The following PCSK5 variants were observed in gnomAD, a reference collection of about 807,000 sequenced individuals.
PCSK5 encodes proprotein convertase subtilisin/kexin type 5.
PCSK5 carries 129 observed loss-of-function variants against 233.2 expected under a neutral mutation model. The observed-to-expected ratio is 0.55, with a 90% CI of 0.48 to 0.64. The LOEUF (loss-of-function observed/expected upper bound fraction) is 0.64, where lower values mean the gene tolerates loss of function less well. PCSK5 is among the 30% of genes least tolerant of loss of function. The pLI, the probability that PCSK5 is intolerant of heterozygous loss-of-function variation, is 0.00. For synonymous variants in PCSK5, 825 were observed against 879.2 expected (o/e 0.94, Z 1.09); for missense variants, 2,076 against 2,430.1 (o/e 0.85, Z 3.06).
At chr9:75,983,324 T>C (rs1563954598) in intron 2 of PCSK5, among the ~76,000 whole-genome samples, 1 of 152,180 alleles carries the variant, frequency 6.6e-6, no homozygotes, top group East Asian at 1.9e-4. Flanking sequence ...GCCCCATGTG[T>C]AGTGTCAGAA....
intron 6 of PCSK5, among the ~76,000 whole-genome samples, chr9:76,069,231 G>T (rs1282543783): frequency 6.6e-6 from 1 of 152,090 alleles, no homozygotes; most frequent in East Asian, 1.9e-4. Context: ...GAAGAATGAT[G>T]AGTTTTGGAG....
chr9:76,051,673 A>C (rs1185002007), intron 5 of PCSK5, among the ~76,000 whole-genome samples: 3 of 152,124 alleles, frequency 2.0e-5, no homozygotes, highest in Non-Finnish European at 4.4e-5. Flanking sequence ...CTCCAGATTC[A>C]CATTTGTATG....
chr9:76,227,594 C>T lies in PCSK5; in HGVS notation c.2718C>T (p.Cys906=). ...CAACCCAGGAAGACTGCACTACCTGCCCCATGACAAGGTAAGTGGCTTCTC... is the reference window on the plus strand; with the variant it reads ...CAACCCAGGAAGACTGCACTACCTGTCCCATGACAAGGTAAGTGGCTTCTC... ...QGPTQEDCTT[C]PMTRIFDDGR... Residue 906 remains cysteine (C), a synonymous_variant, in exon 21 of 38, where the codon TGC becomes TGT. Transcript: ENST00000674117. 1.9e-6 allele frequency: 3 copies of T among 1,606,920 alleles called. No homozygotes were observed. Among genetic ancestry groups the T allele is most frequent in the Non-Finnish European group, 1.7e-6 (2 of 1,175,548 alleles).
At chr9:76,300,978 A>C (rs1025866083) in intron 27 of PCSK5, among the ~76,000 whole-genome samples, 1 of 152,214 alleles carries the variant, frequency 6.6e-6, no homozygotes, top group African/African-American at 2.4e-5. Flanking sequence ...TCACAAAAGA[A>C]AGCAATATTT....
At chr9:76,131,147 T>G (rs760935614) in intron 9 of PCSK5, among the ~76,000 whole-genome samples, 1 of 152,126 alleles carries the variant, frequency 6.6e-6, no homozygotes, top group Non-Finnish European at 1.5e-5. Context: ...GTTTATGAGA[T>G]CTCTCATAGT....
intron 34 of PCSK5, among the ~76,000 whole-genome samples, chr9:76,335,971 A>G (rs772429633): frequency 7.2e-5 from 11 of 152,186 alleles, no homozygotes; most frequent in Non-Finnish European, 1.3e-4. Flanking sequence ...AGGATTAAAA[A>G]TTCTATCTTC....
At chr9:76,341,327 G>A (rs1829829380) in intron 35 of PCSK5, among the ~76,000 whole-genome samples, 1 of 152,082 alleles carries the variant, frequency 6.6e-6, no homozygotes, top group African/African-American at 2.4e-5. Flanking sequence ...TGGATACTAT[G>A]TCTTCATTTA....
chr9:76,271,427 T>C (rs1019647876), intron 24 of PCSK5, among the ~76,000 whole-genome samples: 6 of 152,196 alleles, frequency 3.9e-5, no homozygotes, highest in African/African-American at 1.4e-4. Flanking sequence ...TAGCTGAATT[T>C]AAAAGAAGTG....
chr9:76,055,818 T>C (rs1393730995), intron 5 of PCSK5, among the ~76,000 whole-genome samples: 1 of 152,162 alleles, frequency 6.6e-6, no homozygotes, highest in Non-Finnish European at 1.5e-5. Context: ...AGAAATAATA[T>C]ATGTTTTGCT....
At chr9:76,095,844 TAG>T in intron 7 of PCSK5, 44 bp from the exon 8 acceptor site, 2 of 1,558,966 alleles carry the variant, frequency 1.3e-6, no homozygotes, top group Non-Finnish European at 1.8e-6. Flanking sequence ...CCTCTTCATT[TAG>T]AGTCATTTCA....
intron 3 of PCSK5, among the ~76,000 whole-genome samples, chr9:76,000,966 A>T (rs1238198061): frequency 6.7e-6 from 1 of 149,756 alleles, no homozygotes; most frequent in East Asian, 2.0e-4. Context: ...GAGTGTTGTG[A>T]TTCTGATTGC....
At chr9:76,070,275 C>G (rs1418239754) in intron 6 of PCSK5, among the ~76,000 whole-genome samples, 2 of 152,326 alleles carry the variant, frequency 1.3e-5, no homozygotes, top group African/African-American at 4.8e-5. Context: ...GCTGGGATTA[C>G]AGGCGTGAGC....
chr9:75,934,788 G>T (rs1034442479), intron 2 of PCSK5, among the ~76,000 whole-genome samples: 1 of 151,906 alleles, frequency 6.6e-6, no homozygotes, highest in African/African-American at 2.4e-5. Flanking sequence ...CACCATGCTG[G>T]CTAGCGACCT....
At chr9:75,989,022 A>G (rs1214333447) in intron 3 of PCSK5, among the ~76,000 whole-genome samples, 1 of 152,222 alleles carries the variant, frequency 6.6e-6, no homozygotes, top group Admixed American at 6.5e-5. Flanking sequence ...CTTGAGGACA[A>G]CCAAAGTACT....
chr9:76,141,976 T>C (rs1823247364), intron 10 of PCSK5, among the ~76,000 whole-genome samples: 2 of 151,964 alleles, frequency 1.3e-5, no homozygotes, highest in South Asian at 4.2e-4. Flanking sequence ...GGGGCCTACT[T>C]GAGCGGGGAG....
rs183002812 is a variant in PCSK5, at chr9:76,261,266, C to T, written c.3142+20582C>T. On this transcript the variant is annotated intron_variant, in intron 24 of 37. Coordinates refer to ENST00000674117, the MANE Select transcript of PCSK5 (RefSeq NM_001372043.1). The stretch of plus-strand genomic sequence containing the variant: ...ACACATGAGGAAACATCAGGACAAT[C>T]CCAAATGAGAAACTTTATTAAAAAT... Among the ~76,000 whole-genome samples the T allele has an allele frequency of 2.6e-5, 4 of 152,298 alleles. No individual in the cohort carries two copies. In the East Asian group the frequency reaches 7.7e-4, roughly 29 times the overall value.
rs1051952904 is a variant in PCSK5, at chr9:76,240,599, C to T, written c.3074-17C>T. 1.3e-6 allele frequency: 2 copies of T among 1,546,324 alleles called. No individual in the cohort carries two copies. The highest frequency in any genetic ancestry group is 1.2e-5 in the South Asian group (1 of 84,760). On this transcript the variant is annotated splice_polypyrimidine_tract_variant and intron_variant, in intron 23 of 37. Transcript: ENST00000674117. ...CAATGGAAATGAGTTGTGTTTTTCACTTCTCTGTCTGTGTAGGTGAAGTCC... is the reference window on the plus strand; with the variant it reads ...CAATGGAAATGAGTTGTGTTTTTCATTTCTCTGTCTGTGTAGGTGAAGTCC...
At chr9:75,965,774 T>C (rs1182673843) in intron 2 of PCSK5, among the ~76,000 whole-genome samples, 2 of 152,160 alleles carry the variant, frequency 1.3e-5, no homozygotes, top group Non-Finnish European at 2.9e-5. Flanking sequence ...TTTCCCCCAT[T>C]CTTAGGTCTA....
intron 10 of PCSK5, among the ~76,000 whole-genome samples, chr9:76,143,116 T>A (rs763944121): frequency 2.0e-5 from 3 of 152,144 alleles, no homozygotes; most frequent in Admixed American, 6.6e-5. Flanking sequence ...TACCAAAAGT[T>A]GGGGAACCAA....
Sources: allele counts gnomAD v4.1 joint callset (sites outside exome capture counted in the v4.1 genomes callset), GRCh38; gene constraint gnomAD v4.1.1; transcripts MANE v1.5; gene names NCBI Gene and HGNC (gene_info 2026-07-23, HGNC 2026-07-21).